The following MGAT4C variants were observed in gnomAD, a reference collection of about 807,000 sequenced individuals.
MGAT4C encodes MGAT4 family member C.
In MGAT4C, 19 loss-of-function variants were observed where a neutral mutation model predicts 40.1. That is an observed-to-expected ratio of 0.47 (90% CI 0.33 to 0.70). MGAT4C has a LOEUF of 0.70. MGAT4C is among the 30% of genes least tolerant of loss of function. The pLI, the probability that MGAT4C is intolerant of heterozygous loss-of-function variation, is 0.02. For missense variants in MGAT4C, 491 were observed against 563.2 expected (o/e 0.87, Z 1.30); for synonymous variants, 181 against 187.1 (o/e 0.97, Z 0.27).
At chr12:86,573,307 G>A (rs1015488329) in intron 2 of MGAT4C, among the ~76,000 whole-genome samples, 7 of 151,956 alleles carry the variant, frequency 4.6e-5, no homozygotes, top group African/African-American at 1.7e-4. Flanking sequence ...GAAAATACGA[G>A]AGGCAATTGA....
intron 2 of MGAT4C, among the ~76,000 whole-genome samples, chr12:86,518,741 C>A (rs1281940654): frequency 1.3e-5 from 2 of 152,138 alleles, no homozygotes; most frequent in Non-Finnish European, 2.9e-5. Flanking sequence ...ACTACTACTT[C>A]TATCAGGCAT....
intron 2 of MGAT4C, among the ~76,000 whole-genome samples, chr12:86,557,405 A>G (rs2136403856): frequency 6.6e-6 from 1 of 152,256 alleles, no homozygotes; most frequent in South Asian, 2.1e-4. Flanking sequence ...GCCTGCAGAT[A>G]ACATCTAGTG....
intron 3 of MGAT4C, among the ~76,000 whole-genome samples, chr12:86,396,812 C>T (rs2136233019): frequency 6.6e-6 from 1 of 152,154 alleles, no homozygotes; most frequent in African/African-American, 2.4e-5. Flanking sequence ...TTATGGTAGC[C>T]ATAACTGTTA....
chr12:86,088,643 A>AT lies in MGAT4C; in HGVS notation c.-56-38921_-56-38920insA, dbSNP rs547712430. ...ATATGGGAAAATGCTCAACATCCCT[A>AT]AACATTAGAGAAATGAAAATCAAAA... On this transcript the variant is annotated intron_variant, in intron 1 of 4. Coordinates refer to ENST00000611864, the MANE Select transcript of MGAT4C (RefSeq NM_001351288.2). 1.2e-3 allele frequency among the ~76,000 whole-genome samples: 189 copies of AT among 152,162 alleles called. 2 individuals carry two copies. Among genetic ancestry groups the AT allele is most frequent in the Admixed American group, 2.6e-3 (40 of 15,248 alleles).
At chr12:86,382,648 G>C (rs1425814603) in intron 3 of MGAT4C, among the ~76,000 whole-genome samples, 1 of 152,180 alleles carries the variant, frequency 6.6e-6, no homozygotes, top group East Asian at 1.9e-4. Flanking sequence ...GGAAAAATAT[G>C]GTTTCATGGG....
chr12:86,799,645 C>CT (rs1315795011), intron 1 of MGAT4C, among the ~76,000 whole-genome samples: 1 of 151,790 alleles, frequency 6.6e-6, no homozygotes, highest in African/African-American at 2.4e-5. Flanking sequence ...TTCTATGTGA[C>CT]TTTTTTTATG....
At chr12:86,750,063 T>C (rs1464778875) in intron 1 of MGAT4C, among the ~76,000 whole-genome samples, 1 of 151,824 alleles carries the variant, frequency 6.6e-6, no homozygotes, top group African/African-American at 2.4e-5. Flanking sequence ...TGAAATGAGG[T>C]ATATCTTGTC....
chr12:86,023,769 G>A (rs1442918796), intron 2 of MGAT4C, among the ~76,000 whole-genome samples: 1 of 151,392 alleles, frequency 6.6e-6, no homozygotes, highest in Non-Finnish European at 1.5e-5. Flanking sequence ...TATAATATTT[G>A]CATAGTTTGG....
At chr12:86,619,709 T>A (rs1962577686) in intron 2 of MGAT4C, among the ~76,000 whole-genome samples, 1 of 152,098 alleles carries the variant, frequency 6.6e-6, no homozygotes, top group South Asian at 2.1e-4. Context: ...AAAGATACTC[T>A]TAGTATAATA....
At chr12:86,528,807 C>G (rs1300170913) in intron 2 of MGAT4C, among the ~76,000 whole-genome samples, 1 of 151,600 alleles carries the variant, frequency 6.6e-6, no homozygotes, top group Non-Finnish European at 1.5e-5. Context: ...TAACTCTTTC[C>G]TTTCTTCTGA....
intron 3 of MGAT4C, among the ~76,000 whole-genome samples, chr12:86,399,571 G>A (rs1005066995): frequency 2.0e-5 from 3 of 152,106 alleles, no homozygotes; most frequent in Non-Finnish European, 2.9e-5. Flanking sequence ...GTGAGCCACC[G>A]TGCCCGGGCC....
At chr12:86,129,159 A>T (rs1482742919) in intron 1 of MGAT4C, among the ~76,000 whole-genome samples, 1 of 151,276 alleles carries the variant, frequency 6.6e-6, no homozygotes, top group African/African-American at 2.4e-5. Flanking sequence ...GCACTGACCC[A>T]GTCGGATTAA....
chr12:86,112,559 T>C (rs746967544), intron 1 of MGAT4C, among the ~76,000 whole-genome samples: 12 of 151,616 alleles, frequency 7.9e-5, no homozygotes, highest in Non-Finnish European at 1.8e-4. Context: ...CTGAGAACAA[T>C]AGAAATAAGA....
intron 2 of MGAT4C, among the ~76,000 whole-genome samples, chr12:86,535,532 TGTTAG>T (rs1959053643): frequency 1.3e-5 from 2 of 152,088 alleles, no homozygotes; most frequent in Non-Finnish European, 2.9e-5. Flanking sequence ...CCCTTCCAAT[TGTTAG>T]GTTTGAGTCC....
chr12:86,100,603 C>T (rs1874815380), intron 1 of MGAT4C, among the ~76,000 whole-genome samples: 1 of 151,394 alleles, frequency 6.6e-6, no homozygotes, highest in South Asian at 2.1e-4. Flanking sequence ...TGGTTTGCTA[C>T]TTTCATTATT....
chr12:86,776,959 T>A (rs1194643292), intron 1 of MGAT4C, among the ~76,000 whole-genome samples: 1 of 152,196 alleles, frequency 6.6e-6, no homozygotes, highest in Non-Finnish European at 1.5e-5. Context: ...TCTATTTGAC[T>A]AATTTAAAAA....
chr12:86,490,969 C>A (rs1238860270), intron 2 of MGAT4C, among the ~76,000 whole-genome samples: 2 of 152,056 alleles, frequency 1.3e-5, no homozygotes, highest in African/African-American at 2.4e-5. Context: ...TAATGGGAGA[C>A]CTTAACACCC....
chr12:86,639,428 A>T (rs1186933623), intron 2 of MGAT4C, among the ~76,000 whole-genome samples: 1 of 151,748 alleles, frequency 6.6e-6, no homozygotes. Flanking sequence ...CATAAAAAAT[A>T]TATATTTTGC....
chr12:86,234,169 C>A (rs1180799441), intron 1 of MGAT4C, among the ~76,000 whole-genome samples: 1 of 152,028 alleles, frequency 6.6e-6, no homozygotes, highest in East Asian at 1.9e-4. Context: ...TTGTAAAAAA[C>A]ATGTATGTGT....
Sources: gnomAD v4.1 joint callset for allele counts (sites outside exome capture counted in the v4.1 genomes callset) on GRCh38, gnomAD v4.1.1 for gene constraint, MANE v1.5 for transcripts, NCBI Gene and HGNC (gene_info 2026-07-23, HGNC 2026-07-21) for gene names.